The following ULK4 variants were observed in gnomAD, a reference collection of about 807,000 sequenced individuals.
The protein encoded by ULK4 is unc-51 like kinase 4.
A neutral mutation model predicts 160.6 loss-of-function variants in ULK4; 133 were observed. The observed-to-expected ratio is 0.83, with a 90% CI of 0.72 to 0.96. ULK4 has a LOEUF of 0.96. Among genes scored for constraint, ULK4 ranks in the 40% least tolerant of loss-of-function variants. The pLI is 0.00. For synonymous variants in ULK4, 534 were observed against 539.8 expected (o/e 0.99, Z 0.15); for missense variants, 1,580 against 1,499.5 (o/e 1.05, Z -0.89).
chr3:41,953,931 C>T (rs898124801), intron 2 of ULK4, among the ~76,000 whole-genome samples: 40 of 151,968 alleles, frequency 2.6e-4, no homozygotes, highest in African/African-American at 9.2e-4. Flanking sequence ...CACCTGTAAT[C>T]CCAGCACTTT....
At chr3:41,841,622 T>C (rs901710534) in intron 17 of ULK4, among the ~76,000 whole-genome samples, 3 of 151,754 alleles carry the variant, frequency 2.0e-5, no homozygotes, top group East Asian at 3.9e-4. Context: ...ATCTGGGAAG[T>C]GTACCCAACA....
chr3:41,643,038 G>T (rs1353703157), intron 30 of ULK4, among the ~76,000 whole-genome samples: 1 of 151,928 alleles, frequency 6.6e-6, no homozygotes, highest in Non-Finnish European at 1.5e-5. Context: ...TGATGGGGTT[G>T]TTTGTTTTTT....
At chr3:41,580,824 C>T (rs2030260446) in intron 31 of ULK4, among the ~76,000 whole-genome samples, 1 of 152,176 alleles carries the variant, frequency 6.6e-6, no homozygotes, top group Non-Finnish European at 1.5e-5. Flanking sequence ...TCAAGCTAAC[C>T]TCCAAGGCCC....
chr3:41,405,512 C>A (rs2082274952), intron 34 of ULK4, among the ~76,000 whole-genome samples: 1 of 152,112 alleles, frequency 6.6e-6, no homozygotes. Flanking sequence ...ACTGCTGAGT[C>A]AAACAGTAAT....
chr3:41,321,431 G>A (rs1404957373), intron 35 of ULK4, among the ~76,000 whole-genome samples: 5 of 152,048 alleles, frequency 3.3e-5, no homozygotes, highest in Admixed American at 6.6e-5. Flanking sequence ...TTGTGTTGTC[G>A]TGGATGGTGT....
At chr3:41,730,186 CA>C (rs1303791670) in intron 22 of ULK4, among the ~76,000 whole-genome samples, 2 of 151,864 alleles carry the variant, frequency 1.3e-5, no homozygotes, top group East Asian at 3.8e-4. Flanking sequence ...ATGCCCGCAT[CA>C]AAAAATAAGA....
At chr3:41,433,217 C>A (rs970147067) in intron 34 of ULK4, among the ~76,000 whole-genome samples, 2 of 152,110 alleles carry the variant, frequency 1.3e-5, no homozygotes, top group Non-Finnish European at 1.5e-5. Flanking sequence ...AAAAGACACA[C>A]AAATGACTAA....
chr3:41,554,783 A>G (rs2087224341), intron 32 of ULK4, among the ~76,000 whole-genome samples: 1 of 152,204 alleles, frequency 6.6e-6, no homozygotes, highest in African/African-American at 2.4e-5. Context: ...TACACATTCT[A>G]TGTATCAAAA....
intron 16 of ULK4, among the ~76,000 whole-genome samples, chr3:41,893,602 T>G (rs1698047197): frequency 6.6e-6 from 1 of 151,976 alleles, no homozygotes; most frequent in African/African-American, 2.4e-5. Context: ...AAAGATTTAT[T>G]CTCAAAAATG....
intron 16 of ULK4, among the ~76,000 whole-genome samples, chr3:41,884,980 C>A (rs569488499): frequency 1.3e-5 from 2 of 152,174 alleles, no homozygotes; most frequent in African/African-American, 4.8e-5. Flanking sequence ...CTCAACCCCC[C>A]CAGCTAGCTG....
intron 17 of ULK4, among the ~76,000 whole-genome samples, chr3:41,846,352 T>C (rs961452376): frequency 1.3e-5 from 2 of 152,148 alleles, no homozygotes; most frequent in African/African-American, 2.4e-5. Flanking sequence ...CTAGGTACAA[T>C]GGCAGTTGAA....
At chr3:41,547,726 C>G (rs570512888) in intron 32 of ULK4, among the ~76,000 whole-genome samples, 1 of 152,360 alleles carries the variant, frequency 6.6e-6, no homozygotes, top group South Asian at 2.1e-4. Context: ...GCCCCTAAAT[C>G]TCTATGTCCC....
At chr3:41,549,061 C>T (rs2086970938) in intron 32 of ULK4, among the ~76,000 whole-genome samples, 3 of 152,104 alleles carry the variant, frequency 2.0e-5, no homozygotes, top group Non-Finnish European at 2.9e-5. Flanking sequence ...CCCTAAGAAA[C>T]CCAATCTGAA....
intron 30 of ULK4, among the ~76,000 whole-genome samples, chr3:41,638,722 C>A (rs568075457): frequency 6.6e-6 from 1 of 152,284 alleles, no homozygotes; most frequent in South Asian, 2.1e-4. Context: ...CAATAACTGT[C>A]ATCACATAAA....
At chr3:41,885,657 T>C (rs1243026582) in intron 16 of ULK4, among the ~76,000 whole-genome samples, 2 of 152,130 alleles carry the variant, frequency 1.3e-5, no homozygotes, top group Non-Finnish European at 2.9e-5. Flanking sequence ...ATATGACAGA[T>C]GCAAGTAAGG....
chr3:41,405,401 A>T (rs2082273336), intron 34 of ULK4, among the ~76,000 whole-genome samples: 1 of 152,168 alleles, frequency 6.6e-6, no homozygotes, highest in Non-Finnish European at 1.5e-5. Context: ...GGTTGACTCC[A>T]TGTCTCTGCT....
At chr3:41,951,361 T>C (rs1700290339) in intron 2 of ULK4, among the ~76,000 whole-genome samples, 1 of 146,624 alleles carries the variant, frequency 6.8e-6, no homozygotes, top group Non-Finnish European at 1.5e-5. Flanking sequence ...TCATATAGAA[T>C]CTCAAGGTAT....
chr3:41,410,805 G>A (rs1269617522), intron 34 of ULK4, among the ~76,000 whole-genome samples: 1 of 152,068 alleles, frequency 6.6e-6, no homozygotes, highest in Non-Finnish European at 1.5e-5. Flanking sequence ...CCAGGGACAG[G>A]GAAAAATGAA....
At chr3:41,821,178 C>T (rs2041133159) in intron 18 of ULK4, among the ~76,000 whole-genome samples, 1 of 152,156 alleles carries the variant, frequency 6.6e-6, no homozygotes, top group Non-Finnish European at 1.5e-5. Flanking sequence ...TTAGTTGTCC[C>T]TTTACTCTTG....
Sources: allele counts gnomAD v4.1 joint callset (sites outside exome capture counted in the v4.1 genomes callset), GRCh38; gene constraint gnomAD v4.1.1; transcripts MANE v1.5; gene names NCBI Gene and HGNC (gene_info 2026-07-23, HGNC 2026-07-21).